The following CSMD1 variants were observed in gnomAD, a reference collection of about 807,000 sequenced individuals.
CSMD1 encodes the protein CUB and Sushi multiple domains 1.
A neutral mutation model predicts 417.5 loss-of-function variants in CSMD1; 213 were observed. The observed-to-expected ratio is 0.51, with a 90% CI of 0.46 to 0.57. The LOEUF (loss-of-function observed/expected upper bound fraction) is 0.57, where lower values mean the gene tolerates loss of function less well. CSMD1 is among the 20% of genes least tolerant of loss of function. The probability of loss-of-function intolerance (pLI) is 0.00; values close to 1 mark genes in which losing one functional copy is unlikely to be tolerated. For missense variants in CSMD1, 6,923 were observed against 4,529.7 expected (o/e 1.53, Z -15.17); for synonymous variants, 2,862 against 1,736.8 (o/e 1.65, Z -16.11).
intron 3 of CSMD1, among the ~76,000 whole-genome samples, chr8:4,204,251 T>C (rs1299609944): frequency 6.6e-6 from 1 of 152,102 alleles, no homozygotes; most frequent in Non-Finnish European, 1.5e-5. Context: ...AATACCCATT[T>C]ATGCAATGCT....
intron 1 of CSMD1, among the ~76,000 whole-genome samples, chr8:4,660,787 C>A (rs919925320): frequency 5.9e-5 from 9 of 152,006 alleles, no homozygotes; most frequent in South Asian, 2.1e-4. Flanking sequence ...ATAAAGCCAA[C>A]AATCCAATTA....
At chr8:4,602,494 C>A (rs186551775) in intron 2 of CSMD1, among the ~76,000 whole-genome samples, 1 of 152,160 alleles carries the variant, frequency 6.6e-6, no homozygotes. Context: ...CAGCACATCT[C>A]AGGTACGCAT....
At chr8:4,017,365 G>T (rs1406514665) in intron 4 of CSMD1, among the ~76,000 whole-genome samples, 9 of 152,144 alleles carry the variant, frequency 5.9e-5, no homozygotes, top group Admixed American at 4.6e-4. Flanking sequence ...GAGTGCAATG[G>T]TGCGATCTTG....
At chr8:3,654,858 C>T (rs10103948) in intron 7 of CSMD1, among the ~76,000 whole-genome samples, 1,994 of 152,174 alleles carry the variant, frequency 0.013, 49 homozygotes, top group African/African-American at 0.041. Flanking sequence ...TACCCACACC[C>T]GGACCTGCCA....
At chr8:3,718,586 G>C (rs1212062864) in intron 6 of CSMD1, among the ~76,000 whole-genome samples, 3 of 152,132 alleles carry the variant, frequency 2.0e-5, no homozygotes, top group Non-Finnish European at 2.9e-5. Context: ...TAAATTAAAA[G>C]ATAAATGTCT....
At chr8:3,271,942 C>G (rs950850772) in intron 26 of CSMD1, among the ~76,000 whole-genome samples, 2 of 152,088 alleles carry the variant, frequency 1.3e-5, no homozygotes, top group African/African-American at 2.4e-5. Flanking sequence ...TAATTAGATC[C>G]CATTTGTCAA....
intron 15 of CSMD1, among the ~76,000 whole-genome samples, chr8:3,403,809 G>T (rs552456656): frequency 6.6e-6 from 1 of 152,126 alleles, no homozygotes; most frequent in Non-Finnish European, 1.5e-5. Context: ...CACCACATGT[G>T]TATATATTTA....
intron 8 of CSMD1, among the ~76,000 whole-genome samples, chr8:3,594,791 T>C (rs998865958): frequency 6.6e-6 from 1 of 152,226 alleles, no homozygotes; most frequent in African/African-American, 2.4e-5. Context: ...GTTGGGAAGG[T>C]GTTAACCTCC....
At chr8:3,923,172 T>C (rs1416896735) in intron 5 of CSMD1, among the ~76,000 whole-genome samples, 2 of 152,120 alleles carry the variant, frequency 1.3e-5, no homozygotes, top group African/African-American at 4.8e-5. Context: ...ATGAGACCTC[T>C]CCTCATCAGT....
At chr8:4,268,265 G>T (rs1334082344) in intron 3 of CSMD1, among the ~76,000 whole-genome samples, 2 of 152,106 alleles carry the variant, frequency 1.3e-5, no homozygotes, top group African/African-American at 2.4e-5. Flanking sequence ...AATACTAATT[G>T]AGTTTCTATA....
At chr8:3,237,441 G>C (rs1183431374) in intron 26 of CSMD1, among the ~76,000 whole-genome samples, 3 of 150,376 alleles carry the variant, frequency 2.0e-5, no homozygotes, top group African/African-American at 7.3e-5. Context: ...TGGGCAACAG[G>C]GCGAGACTCC....
At chr8:3,090,132 G>A (rs1268295757) in intron 48 of CSMD1, among the ~76,000 whole-genome samples, 1 of 151,732 alleles carries the variant, frequency 6.6e-6, no homozygotes, top group Non-Finnish European at 1.5e-5. Flanking sequence ...GGCTAACACG[G>A]TGAAACCCCG....
chr8:3,652,951 T>G (rs1797933537), intron 7 of CSMD1, among the ~76,000 whole-genome samples: 1 of 152,164 alleles, frequency 6.6e-6, no homozygotes, highest in South Asian at 2.1e-4. Context: ...AAGCCCCTTA[T>G]TTTCTCCTGA....
At chr8:3,653,999 T>C (rs530432795) in intron 7 of CSMD1, among the ~76,000 whole-genome samples, 41 of 152,278 alleles carry the variant, frequency 2.7e-4, no homozygotes, top group Non-Finnish European at 3.7e-4. Flanking sequence ...ACTTGGATCA[T>C]TGATGTGAAA....
At chr8:3,603,727 C>G (rs926019235) in intron 8 of CSMD1, among the ~76,000 whole-genome samples, 1 of 152,098 alleles carries the variant, frequency 6.6e-6, no homozygotes, top group African/African-American at 2.4e-5. Flanking sequence ...CTTAAAAAAC[C>G]CCCTGATATA....
At chr8:3,769,620 T>C (rs56278946) in intron 5 of CSMD1, among the ~76,000 whole-genome samples, 2,463 of 152,226 alleles carry the variant, frequency 0.016, 54 homozygotes, top group African/African-American at 0.056. Flanking sequence ...TTATACATCA[T>C]TTAAAATCCA....
At chr8:3,468,920 C>T in intron 11 of CSMD1, 96 bp from the exon 12 acceptor site, 2 of 713,688 alleles carry the variant, frequency 2.8e-6, no homozygotes, top group Non-Finnish European at 4.8e-6. Context: ...ACAGCCAAAC[C>T]CTAGATATAT....
chr8:3,269,306 C>T (rs1403116087), intron 26 of CSMD1, among the ~76,000 whole-genome samples: 3 of 152,186 alleles, frequency 2.0e-5, no homozygotes, highest in South Asian at 2.1e-4. Context: ...GAGGAAGATG[C>T]CGAGAGCAGA....
intron 5 of CSMD1, among the ~76,000 whole-genome samples, chr8:3,905,893 T>C (rs1808074157): frequency 6.6e-6 from 1 of 152,170 alleles, no homozygotes; most frequent in Non-Finnish European, 1.5e-5. Flanking sequence ...TCTCTTACTA[T>C]TTATTTGCTC....
Sources: gnomAD v4.1 joint callset for allele counts (sites outside exome capture counted in the v4.1 genomes callset) on GRCh38, gnomAD v4.1.1 for gene constraint, MANE v1.5 for transcripts, NCBI Gene and HGNC (gene_info 2026-07-23, HGNC 2026-07-21) for gene names.